The following CNTN5 variants were observed in gnomAD, a reference collection of about 807,000 sequenced individuals.
The protein encoded by CNTN5 is contactin-5.
In CNTN5, 77 loss-of-function variants were observed where a neutral mutation model predicts 129.1. The ratio of observed to expected loss-of-function variants is 0.60; its 90% confidence interval spans 0.50 to 0.72. The LOEUF (loss-of-function observed/expected upper bound fraction) is 0.72. Among genes scored for constraint, CNTN5 ranks in the 30% least tolerant of loss-of-function variants. The pLI, the probability that CNTN5 is intolerant of heterozygous loss-of-function variation, is 0.00. For synonymous variants in CNTN5, 509 were observed against 465.6 expected, an observed-to-expected ratio of 1.09 and a Z score of -1.20; for missense variants, 1,478 against 1,328.8, an observed-to-expected ratio of 1.11 and a Z score of -1.75.
intron 3 of CNTN5, among the ~76,000 whole-genome samples, chr11:99,817,553 C>T (rs1946628342): frequency 6.9e-6 from 1 of 144,768 alleles, no homozygotes; most frequent in African/African-American, 2.5e-5. Context: ...CTATAAACCA[C>T]ATTATCATAC....
chr11:100,272,012 A>C (rs1042063440), intron 18 of CNTN5, among the ~76,000 whole-genome samples: 7 of 152,320 alleles, frequency 4.6e-5, no homozygotes, highest in African/African-American at 9.6e-5. Context: ...GTATCTGGTT[A>C]GACATTTACT....
chr11:99,870,227 A>C (rs1948467041), intron 6 of CNTN5, among the ~76,000 whole-genome samples: 1 of 152,136 alleles, frequency 6.6e-6, no homozygotes, highest in African/African-American at 2.4e-5. Context: ...TGAAGGCAAA[A>C]GGTATACTCA....
chr11:99,662,721 C>G (rs1952641007), intron 3 of CNTN5, among the ~76,000 whole-genome samples: 3 of 152,146 alleles, frequency 2.0e-5, no homozygotes, highest in Admixed American at 2.0e-4. Flanking sequence ...CTGCTGTGAT[C>G]TGGAAATTTA....
intron 1 of CNTN5, among the ~76,000 whole-genome samples, chr11:99,095,300 C>T (rs1438006421): frequency 6.6e-6 from 1 of 151,866 alleles, no homozygotes; most frequent in Non-Finnish European, 1.5e-5. Flanking sequence ...TACCTCTACT[C>T]CTCCCCCAAG....
intron 12 of CNTN5, among the ~76,000 whole-genome samples, chr11:100,073,336 C>T (rs1264845350): frequency 6.6e-6 from 1 of 152,070 alleles, no homozygotes; most frequent in Non-Finnish European, 1.5e-5. Flanking sequence ...TATAAGCCAC[C>T]AGGCCTGGCT....
At chr11:100,191,343 G>A (rs1565329272) in intron 14 of CNTN5, 90 bp downstream of exon 14, 3 of 1,083,252 alleles carry the variant, frequency 2.8e-6, no homozygotes, top group Non-Finnish European at 3.8e-6. Flanking sequence ...TATATGTTTG[G>A]ACTTAAGTGT....
intron 3 of CNTN5, among the ~76,000 whole-genome samples, chr11:99,634,941 A>C (rs1156683789): frequency 1.3e-5 from 2 of 152,176 alleles, no homozygotes; most frequent in Non-Finnish European, 2.9e-5. Context: ...TAATTAACGT[A>C]AGGTTTGCTC....
intron 3 of CNTN5, among the ~76,000 whole-genome samples, chr11:99,642,443 A>T (rs1951804818): frequency 6.6e-6 from 1 of 152,046 alleles, no homozygotes. Flanking sequence ...AGCTTTTTTT[A>T]TTGATCTTTT....
intron 13 of CNTN5, among the ~76,000 whole-genome samples, chr11:100,182,294 G>C (rs1166604248): frequency 6.6e-6 from 1 of 152,076 alleles, no homozygotes; most frequent in Non-Finnish European, 1.5e-5. Context: ...GTGAAGTCCA[G>C]GATCAGGATG....
chr11:99,744,718 T>C (rs568337257), intron 3 of CNTN5, among the ~76,000 whole-genome samples: 2,235 of 97,776 alleles, frequency 0.023, 22 homozygotes, highest in South Asian at 0.042. Context: ...AGACCCTGTC[T>C]CAGAAAAAAA....
intron 3 of CNTN5, among the ~76,000 whole-genome samples, chr11:99,609,646 C>T (rs12792999): frequency 0.13 from 20,284 of 152,020 alleles, 1,535 homozygotes; most frequent in Non-Finnish European, 0.18. Flanking sequence ...AACATAGGAA[C>T]AGATTCTCAG....
intron 2 of CNTN5, among the ~76,000 whole-genome samples, chr11:99,432,905 C>G (rs953707622): frequency 6.6e-6 from 1 of 150,518 alleles, no homozygotes; most frequent in African/African-American, 2.4e-5. Flanking sequence ...CACATTGAAA[C>G]TGATACCACC....
chr11:99,457,622 C>T lies in CNTN5; in HGVS notation c.-70-98523C>T, dbSNP rs1944543734. 1.3e-5 allele frequency among the ~76,000 whole-genome samples: 2 copies of T among 151,644 alleles called. 1 individual carries two copies. Among genetic ancestry groups the T allele is most frequent in the African/African-American group, 4.8e-5 (2 of 41,368 alleles). On this transcript the variant is annotated intron_variant, in intron 2 of 24. Transcript: ENST00000524871. ...TTTTAACAGGAATTTTGTAAAATTA[C>T]ATGTTTCCTTGAGTATGTTTAAATT...
At chr11:99,853,017 C>T (rs1947922476) in intron 6 of CNTN5, among the ~76,000 whole-genome samples, 1 of 152,026 alleles carries the variant, frequency 6.6e-6, no homozygotes, top group Non-Finnish European at 1.5e-5. Context: ...GACTTATGAT[C>T]TTCTTGAGTA....
intron 2 of CNTN5, among the ~76,000 whole-genome samples, chr11:99,487,331 T>A (rs1164282982): frequency 2.6e-5 from 4 of 152,184 alleles, no homozygotes; most frequent in Non-Finnish European, 4.4e-5. Flanking sequence ...ACTGATGAAT[T>A]CCTAGGAACC....
At chr11:99,712,600 T>C (rs1270503691) in intron 3 of CNTN5, among the ~76,000 whole-genome samples, 1 of 152,178 alleles carries the variant, frequency 6.6e-6, no homozygotes, top group South Asian at 2.1e-4. Flanking sequence ...TCTAGGGTTT[T>C]TATGGTTTTA....
chr11:99,430,802 C>T (rs1276962804), intron 2 of CNTN5, among the ~76,000 whole-genome samples: 1 of 152,076 alleles, frequency 6.6e-6, no homozygotes, highest in Non-Finnish European at 1.5e-5. Flanking sequence ...TCTCCTACTA[C>T]ATAAATATCA....
intron 3 of CNTN5, among the ~76,000 whole-genome samples, chr11:99,770,762 C>A (rs1214798881): frequency 1.3e-5 from 2 of 151,896 alleles, no homozygotes; most frequent in African/African-American, 2.4e-5. Flanking sequence ...TTAATGCAAA[C>A]CCTATAAAAA....
At chr11:99,541,520 G>C (rs1176725291) in intron 2 of CNTN5, among the ~76,000 whole-genome samples, 1 of 152,234 alleles carries the variant, frequency 6.6e-6, no homozygotes, top group East Asian at 1.9e-4. Context: ...AGTTGAATAG[G>C]AAAGGTATTG....
Sources: allele counts gnomAD v4.1 joint callset (sites outside exome capture counted in the v4.1 genomes callset), GRCh38; gene constraint gnomAD v4.1.1; transcripts MANE v1.5; gene names NCBI Gene and HGNC (gene_info 2026-07-23, HGNC 2026-07-21).